PITHD1: variants seen among roughly 807,000 people sequenced by gnomAD.
PITHD1 encodes PITH domain containing 1, also known as PITH domain-containing protein 1.
In PITHD1, 8 loss-of-function variants were observed where a neutral mutation model predicts 27.5. The observed-to-expected ratio is 0.29, with a 90% confidence interval of 0.17 to 0.52. The LOEUF (loss-of-function observed/expected upper bound fraction) is 0.52, where lower values mean the gene tolerates loss of function less well. PITHD1 is among the 20% of genes least tolerant of loss of function. The probability of loss-of-function intolerance (pLI) is 0.96; values close to 1 mark genes in which losing one functional copy is unlikely to be tolerated. For synonymous variants in PITHD1, 118 were observed against 106.8 expected, an observed-to-expected ratio of 1.10 and a Z score of -0.64; for missense variants, 233 against 283.9, an observed-to-expected ratio of 0.82 and a Z score of 1.29.
intron 3 of PITHD1, 109 bp downstream of exon 3, chr1:23,780,050 C>T: frequency 1.4e-6 from 1 of 727,814 alleles, no homozygotes; most frequent in Non-Finnish European, 2.4e-6. Context: ...AATATTTCCC[C>T]TTTTAAAATA....
At chr1:23,782,903 A>G (rs1356534454) in intron 3 of PITHD1, among the ~76,000 whole-genome samples, 2 of 145,554 alleles carry the variant, frequency 1.4e-5, no homozygotes, top group African/African-American at 5.6e-5. Flanking sequence ...GCACCCAGCC[A>G]AAAAAAAATT....
At chr1:23,784,394 C>G (rs1463085057) in intron 3 of PITHD1, among the ~76,000 whole-genome samples, 2 of 151,932 alleles carry the variant, frequency 1.3e-5, no homozygotes, top group African/African-American at 2.4e-5. Context: ...GCGCCTGCCA[C>G]CACGCCCGGC....
chr1:23,779,272 C>T (rs1021888059), intron 1 of PITHD1, 166 bp from the exon 2 acceptor site: 12 of 589,570 alleles, frequency 2.0e-5, no homozygotes, highest in Admixed American at 1.3e-4. Context: ...GCTGTTATGA[C>T]ACTGGATAAG....
At position 23,784,790 on chromosome 1, in the gene PITHD1, C is replaced by T. The variant is rs543838443; in HGVS notation, c.321-885C>T. Among the ~76,000 whole-genome samples the T allele has an allele frequency of 8.1e-4, 124 of 152,264 alleles. No homozygotes were observed. In the Middle Eastern group the frequency reaches 0.017, roughly 21 times the overall value. ...GGAGTACAGTGGCGTGATCTTGGCT[C>T]ATTGCACCCTCTCTAGCGGTTTGGA... On this transcript the variant is annotated intron_variant, in intron 3 of 5. Coordinates refer to ENST00000246151, the MANE Select transcript of PITHD1 (RefSeq NM_020362.5).
chr1:23,783,784 G>A (rs1417073261), intron 3 of PITHD1, among the ~76,000 whole-genome samples: 1 of 152,078 alleles, frequency 6.6e-6, no homozygotes, highest in African/African-American at 2.4e-5. Flanking sequence ...GTGAAATGAT[G>A]TGTCTGGGAT....
intron 3 of PITHD1, among the ~76,000 whole-genome samples, chr1:23,784,452 G>A (rs975988797): frequency 1.3e-5 from 2 of 151,770 alleles, no homozygotes; most frequent in African/African-American, 4.9e-5. Flanking sequence ...GTGTTAGCCA[G>A]GATGGTCTCC....
chr1:23,787,345 A>C lies in PITHD1; in HGVS notation c.605A>C (p.Gln202Pro). ...SANPADHRVH[Q>P]VTPQTHFIS is the part of the protein sequence containing the mutation. ...AACCCAGCAGACCATAGGGTCCATC[A>C]GGTTACCCCACAGACACACTTTATT... The change falls in exon 6 of 6, where the codon CAG (glutamine) becomes CCG (proline). Residue 202 changes from glutamine (Q) to proline (P), a missense_variant. Coordinates refer to ENST00000246151, the MANE Select transcript of PITHD1 (RefSeq NM_020362.5). 2 of 1,610,596 alleles carry C rather than the reference A, an allele frequency of 1.2e-6. No individual in the cohort carries two copies. Among genetic ancestry groups the C allele is most frequent in the Non-Finnish European group, 1.7e-6 (2 of 1,176,926 alleles).
chr1:23,787,458 C>G lies in PITHD1; in HGVS notation c.*82C>G. 1.2e-6 allele frequency: 1 copy of G among 807,562 alleles called. No homozygotes were observed. The highest frequency in any genetic ancestry group is 2.1e-6 in the Non-Finnish European group (1 of 477,072). 50.0% of individuals were successfully genotyped at this position (807,562 alleles called of 1,614,324 possible). ...TTGGGAAGGACAAAGGGATGAGGCT[C>G]CAGAGAGAGTTGGCTGCCACAGCCT... On this transcript the variant is annotated 3_prime_UTR_variant, in exon 6 of 6. Transcript: ENST00000246151.
chr1:23,782,194 G>A (rs1174371051), intron 3 of PITHD1, among the ~76,000 whole-genome samples: 1 of 151,822 alleles, frequency 6.6e-6, no homozygotes, highest in Non-Finnish European at 1.5e-5. Context: ...CGAGGCAGGC[G>A]GATTACCTGA....
chr1:23,779,624 C>A, intron 2 of PITHD1, 143 bp downstream of exon 2: 1 of 729,062 alleles, frequency 1.4e-6, no homozygotes, highest in Non-Finnish European at 2.4e-6. Flanking sequence ...AGGAAAGCAT[C>A]ATAGCTTTCT....
Position 23,778,536 on chromosome 1 carries a change from C to CG in PITHD1, c.23dup (p.Gly9ArgfsTer36). On this transcript the variant is annotated frameshift_variant, in exon 1 of 6. Coordinates refer to ENST00000246151, the MANE Select transcript of PITHD1 (RefSeq NM_020362.5). LOFTEE classifies it high-confidence loss of function. ...TTGCCATGTCGCACGGTCACAGCCA[C>CG]GGCGGGGGTGGCTGCCGCTGCGCCG... The CG allele has an allele frequency of 7.4e-7, 1 of 1,344,892 alleles. No homozygotes were observed. Among genetic ancestry groups the CG allele is most frequent in the Non-Finnish European group, 9.5e-7 (1 of 1,054,596 alleles). 83.3% of individuals were successfully genotyped at this position (1,344,892 alleles called of 1,614,324 possible). A position where few individuals can be genotyped will look rare whatever the true frequency, so the allele number is the denominator to read the frequency against.
chr1:23,778,506 C>T lies in PITHD1; in HGVS notation c.-10C>T. ...TGGGGCCGAGAGGACGCGCAGGTGG[C>T]GGCGTTGCCATGTCGCACGGTCACA... On this transcript the variant is annotated 5_prime_UTR_variant, in exon 1 of 6. Transcript: ENST00000246151. The T allele has an allele frequency of 3.7e-6, 5 of 1,346,966 alleles. No individual in the cohort carries two copies. The highest frequency in any genetic ancestry group is 3.8e-6 in the Non-Finnish European group (4 of 1,055,330). 83.4% of individuals were successfully genotyped at this position (1,346,966 alleles called of 1,614,324 possible). A position where few individuals can be genotyped will look rare whatever the true frequency, so the allele number is the denominator to read the frequency against.
Position 23,786,305 on chromosome 1 carries a change from C to G in PITHD1, c.426-10C>G. On this transcript the variant is annotated splice_polypyrimidine_tract_variant and intron_variant, in intron 4 of 5. Coordinates refer to ENST00000246151, the MANE Select transcript of PITHD1 (RefSeq NM_020362.5). ...TCATACCTTCTTTCCCTATTCCTGT[C>G]ATCCTCTAGAATTTCTCGTTTTTCA... The G allele has an allele frequency of 7.9e-7, 1 of 1,264,874 alleles. No individual in the cohort carries two copies. The highest frequency in any genetic ancestry group is 1.1e-6 in the Non-Finnish European group (1 of 869,944). 78.4% of individuals were successfully genotyped at this position (1,264,874 alleles called of 1,614,324 possible).
chr1:23,778,684 C>A lies in PITHD1; in HGVS notation c.169C>A (p.Pro57Thr). The change falls in exon 1 of 6, where the codon CCG (proline) becomes ACG (threonine). Residue 57 changes from proline (P) to threonine (T), a missense_variant. Coordinates refer to ENST00000246151, the MANE Select transcript of PITHD1 (RefSeq NM_020362.5). ...GGGCAGCGGCCGCGGCGTCTTCAAG[C>A]CGTGGGAGGAGCGGACCGACCGCTC... The part of the protein sequence containing the change: ...REGSGRGVFK[P>T]WEERTDRSKF... The A allele has an allele frequency of 7.6e-7, 1 of 1,311,370 alleles. No homozygotes were observed. The highest frequency in any genetic ancestry group is 9.7e-7 in the Non-Finnish European group (1 of 1,032,266). The allele number at this position is 1,311,370 out of a possible 1,614,324, so 81.2% of individuals were successfully genotyped here.
Position 23,787,289 on chromosome 1 carries a change from G to A in PITHD1, c.549G>A (p.Glu183=). 1 of 1,613,630 alleles carries A rather than the reference G, an allele frequency of 6.2e-7. No individual in the cohort carries two copies. The highest frequency in any genetic ancestry group is 8.5e-7 in the Non-Finnish European group (1 of 1,179,610). ...TTTTCTTGCAGCTTCGCCGACACGAGGTGACCATCTGCAATTACGAAGCAT... is the reference window on the plus strand; with the variant it reads ...TTTTCTTGCAGCTTCGCCGACACGAAGTGACCATCTGCAATTACGAAGCAT... ...RGEWTELRRH[E]VTICNYEASA... Residue 183 remains glutamate, a synonymous_variant, in exon 6 of 6, where the codon GAG becomes GAA. Coordinates refer to ENST00000246151, the MANE Select transcript of PITHD1 (RefSeq NM_020362.5).
chr1:23,779,776 A>G (rs1294788029), intron 2 of PITHD1, 88 bp from the exon 3 acceptor site: 2 of 942,330 alleles, frequency 2.1e-6, no homozygotes, highest in Admixed American at 1.7e-5. Flanking sequence ...ACTGAAGCCC[A>G]TACAGGGGAA....
rs750499890 is a variant in PITHD1, at chr1:23,785,726, T to C, written c.372T>C (p.Asp124=). 14 of 1,611,228 alleles carry C rather than the reference T, an allele frequency of 8.7e-6. No individual in the cohort carries two copies. The African/African-American group carries it at 1.9e-4, about 22-fold the overall frequency. Reference sequence around the variant, plus strand: ...TTGATGATACAGAAAGGGAGCCAGATCAGACCTTTAGTCTGAACCGGGATC... The same window carrying C: ...TTGATGATACAGAAAGGGAGCCAGACCAGACCTTTAGTCTGAACCGGGATC... ...MSFDDTEREP[D]QTFSLNRDLT... Residue 124 remains aspartate (D), a synonymous_variant, in exon 4 of 6, where the codon GAT becomes GAC. Coordinates refer to ENST00000246151, the MANE Select transcript of PITHD1 (RefSeq NM_020362.5).
chr1:23,779,159 C>G (rs570747790), intron 1 of PITHD1, among the ~76,000 whole-genome samples: 6 of 152,146 alleles, frequency 3.9e-5, no homozygotes, highest in Non-Finnish European at 7.3e-5. Flanking sequence ...CAGAAAAATG[C>G]ACATAAACAC....
intron 5 of PITHD1, among the ~76,000 whole-genome samples, chr1:23,786,726 ATTACAGGTG>A (rs2148402455): frequency 6.6e-6 from 1 of 151,546 alleles, no homozygotes; most frequent in South Asian, 2.1e-4. Flanking sequence ...AGTAGCTGGG[ATTACAGGTG>A]CCCACTCCCA....
Sources: allele counts gnomAD v4.1 joint callset (sites outside exome capture counted in the v4.1 genomes callset), GRCh38; gene constraint gnomAD v4.1.1; transcripts MANE v1.5; gene names NCBI Gene and HGNC (gene_info 2026-07-23, HGNC 2026-07-21).